DYNC1I2: variants seen among roughly 807,000 people sequenced by gnomAD.
The protein encoded by DYNC1I2 is dynein cytoplasmic 1 intermediate chain 2, also known as cytoplasmic dynein 1 intermediate chain 2.
In DYNC1I2, 53 loss-of-function variants were observed where a neutral mutation model predicts 88.6. The ratio of observed to expected loss-of-function variants is 0.60; its 90% CI spans 0.48 to 0.75. The LOEUF (loss-of-function observed/expected upper bound fraction) is 0.75. Ranked by LOEUF, DYNC1I2 falls within the 30% of genes least tolerant of loss-of-function variation. The pLI, the probability that DYNC1I2 is intolerant of heterozygous loss-of-function variation, is 0.00. For missense variants in DYNC1I2, 458 were observed against 766.6 expected (o/e 0.60, Z 4.75); for synonymous variants, 198 against 254.6 (o/e 0.78, Z 2.12).
At position 171,702,402 on chromosome 2, in the gene DYNC1I2, A is replaced by T. The variant is rs80062283; in HGVS notation, c.227-4145A>T. ...TTCATAATCCTTAAAACATATGCCT[A>T]CAAGTCCAGTATTTATTTGTAATTT... On this transcript the variant is annotated intron_variant, in intron 3 of 17. Coordinates refer to ENST00000397119, the MANE Select transcript of DYNC1I2 (RefSeq NM_001378.3). Among the ~76,000 whole-genome samples the T allele has an allele frequency of 4.6e-5, 7 of 152,334 alleles. No homozygotes were observed. The East Asian group carries it at 1.4e-3, about 29-fold the overall frequency.
intron 3 of DYNC1I2, among the ~76,000 whole-genome samples, chr2:171,702,158 A>G (rs1365479680): frequency 6.6e-6 from 1 of 152,228 alleles, no homozygotes; most frequent in Non-Finnish European, 1.5e-5. Context: ...GCTATGAACA[A>G]AGGGTTGGCT....
At chr2:171,716,980 T>A (rs1380140669) in intron 7 of DYNC1I2, among the ~76,000 whole-genome samples, 7 of 152,160 alleles carry the variant, frequency 4.6e-5, no homozygotes, top group Non-Finnish European at 7.3e-5. Context: ...ACAGACACTT[T>A]TAACTACTCT....
At chr2:171,721,672 AC>A (rs1687915965) in intron 7 of DYNC1I2, among the ~76,000 whole-genome samples, 1 of 152,188 alleles carries the variant, frequency 6.6e-6, no homozygotes, top group Non-Finnish European at 1.5e-5. Flanking sequence ...AAATGTCCTG[AC>A]TTTTAGAACT....
intron 17 of DYNC1I2, among the ~76,000 whole-genome samples, chr2:171,747,280 C>G (rs2105796799): frequency 6.7e-6 from 1 of 148,956 alleles, no homozygotes; most frequent in African/African-American, 2.5e-5. Context: ...TCTTTTGCCA[C>G]CAGTGCAGCA....
rs79719865 is a variant in DYNC1I2 at position 171,733,294 on chromosome 2, A to C, written c.1536+3441A>C. On this transcript the variant is annotated intron_variant, in intron 15 of 17. Transcript: ENST00000397119. ...GTCTTTGCTAGTGTCTTTATAATAG[A>C]GTGATTGATACTCCTTTGGGTATAT... Among the ~76,000 whole-genome samples the C allele has an allele frequency of 3.5e-3, 528 of 151,928 alleles. 2 individuals carry two copies. Among genetic ancestry groups the C allele is most frequent in the African/African-American group, 0.012 (480 of 41,446 alleles).
intron 17 of DYNC1I2, 92 bp downstream of exon 17, chr2:171,746,019 A>G (rs1414121295): frequency 1.4e-6 from 2 of 1,412,514 alleles, no homozygotes; most frequent in African/African-American, 1.4e-5. Flanking sequence ...TTTGAGGTTT[A>G]TGAGTTGTTT....
Position 171,729,726 on chromosome 2 carries a change from A to C in DYNC1I2, c.1409A>C (p.Glu470Ala). 6.2e-7 allele frequency: 1 copy of C among 1,612,660 alleles called. No individual in the cohort carries two copies. The highest frequency in any genetic ancestry group is 8.5e-7 in the Non-Finnish European group (1 of 1,179,730). ...CRHGSKAGIS[E>A]MFEGHQGPIT... is the part of the protein sequence containing the mutation. Reference sequence around the variant, plus strand: ...GAAATTAGCAAAGCTGGAATCAGTGAGATGTTTGAGGGGCATCAAGGACCA... The same window carrying C: ...GAAATTAGCAAAGCTGGAATCAGTGCGATGTTTGAGGGGCATCAAGGACCA... Residue 470 changes from glutamate (E) to alanine (A), a missense_variant, in exon 15 of 18, where the codon GAG becomes GCG. Coordinates refer to ENST00000397119, the MANE Select transcript of DYNC1I2 (RefSeq NM_001378.3).
In DYNC1I2 at chr2:171,707,281, A is replaced by G. The variant is rs951303505; in HGVS notation, c.245-6A>G. 18 of 1,613,708 alleles carry G rather than the reference A, an allele frequency of 1.1e-5. No homozygotes were observed. The highest frequency in any genetic ancestry group is 3.3e-4 in the Middle Eastern group (2 of 6,084). On this transcript the variant is annotated splice_polypyrimidine_tract_variant and splice_region_variant and intron_variant, in intron 4 of 17. Coordinates refer to ENST00000397119, the MANE Select transcript of DYNC1I2 (RefSeq NM_001378.3). ...ACAGCGGATACCTGTCTATTTCACT[A>G]TTTAGTCCCTCCTCCTATGTCTCCA...
In DYNC1I2 at chr2:171,692,744, T is replaced by C. The variant is rs199998711; in HGVS notation, c.109-33T>C. 5.7e-4 allele frequency: 849 copies of C among 1,495,068 alleles called. 1 individual carries two copies. Among genetic ancestry groups the C allele is most frequent in the Non-Finnish European group, 6.3e-4 (695 of 1,104,208 alleles). The allele number at this position is 1,495,068 out of a possible 1,614,324, so 92.6% of individuals were successfully genotyped here. On this transcript the variant is annotated intron_variant, in intron 2 of 17. Transcript: ENST00000397119. ...TTGCAAACAAATTTTTCATACTATATGTAAACATAAGTTTTTAACCTAAAC... is the reference window on the plus strand; with the variant it reads ...TTGCAAACAAATTTTTCATACTATACGTAAACATAAGTTTTTAACCTAAAC...
chr2:171,693,492 A>G (rs751565907), intron 3 of DYNC1I2, among the ~76,000 whole-genome samples: 81 of 152,378 alleles, frequency 5.3e-4, no homozygotes, highest in Admixed American at 2.0e-3. Flanking sequence ...ATCTAGTTAC[A>G]TATCAGGAAC....
At chr2:171,696,693 C>T (rs1685793518) in intron 3 of DYNC1I2, among the ~76,000 whole-genome samples, 1 of 151,910 alleles carries the variant, frequency 6.6e-6, no homozygotes, top group African/African-American at 2.4e-5. Context: ...CTATCTTTTC[C>T]CCCACTGAAG....
chr2:171,733,167 A>T (rs1465357593), intron 15 of DYNC1I2, among the ~76,000 whole-genome samples: 1 of 152,236 alleles, frequency 6.6e-6, no homozygotes, highest in Non-Finnish European at 1.5e-5. Flanking sequence ...CACATAGGAC[A>T]TGATCTCATT....
At position 171,746,067 on chromosome 2, in the gene DYNC1I2, C is replaced by G. The variant is rs571777281; in HGVS notation, c.1803+140C>G. 9.0e-6 allele frequency: 7 copies of G among 781,958 alleles called. No individual in the cohort carries two copies. The East Asian group carries it at 2.0e-4, about 22-fold the overall frequency. 48.4% of individuals were successfully genotyped at this position (781,958 alleles called of 1,614,324 possible). A position where few individuals can be genotyped will look rare whatever the true frequency, so the allele number is the denominator to read the frequency against. On this transcript the variant is annotated intron_variant, in intron 17 of 17. Transcript: ENST00000397119. ...TGTAAAGATAAAACTTACTTTCTAC[C>G]ACAGAAGCAGCTCTTGAAACATTTT...
chr2:171,695,224 C>A (rs1007082125), intron 3 of DYNC1I2, among the ~76,000 whole-genome samples: 1 of 152,032 alleles, frequency 6.6e-6, no homozygotes, highest in Non-Finnish European at 1.5e-5. Context: ...CTCAGCCTCC[C>A]AAGTAGCTGG....
chr2:171,704,601 A>G (rs1303615912), intron 3 of DYNC1I2, among the ~76,000 whole-genome samples: 2 of 152,138 alleles, frequency 1.3e-5, no homozygotes, highest in Non-Finnish European at 2.9e-5. Flanking sequence ...GGTTTATGTT[A>G]TTTTCAAGGC....
intron 3 of DYNC1I2, among the ~76,000 whole-genome samples, chr2:171,696,898 A>C (rs1448540666): frequency 6.6e-6 from 1 of 152,198 alleles, no homozygotes; most frequent in African/African-American, 2.4e-5. Context: ...CTAGGTTCAC[A>C]AACATTTTTC....
At chr2:171,745,172 T>C (rs1310535733) in intron 16 of DYNC1I2, among the ~76,000 whole-genome samples, 1 of 152,158 alleles carries the variant, frequency 6.6e-6, no homozygotes, top group Non-Finnish European at 1.5e-5. Flanking sequence ...GAATGTTTGC[T>C]CCATGTGTAG....
intron 3 of DYNC1I2, among the ~76,000 whole-genome samples, chr2:171,699,181 C>T (rs556303239): frequency 4.3e-4 from 65 of 152,200 alleles, no homozygotes; most frequent in Non-Finnish European, 7.8e-4. Flanking sequence ...GTGGCAGGCA[C>T]CTGTAATCCC....
At chr2:171,705,289 T>C (rs968877430) in intron 3 of DYNC1I2, among the ~76,000 whole-genome samples, 2 of 152,122 alleles carry the variant, frequency 1.3e-5, no homozygotes, top group Non-Finnish European at 2.9e-5. Flanking sequence ...AGTAAAATAC[T>C]GTTGAACTTG....
Sources: gnomAD v4.1 joint callset for allele counts (sites outside exome capture counted in the v4.1 genomes callset) on GRCh38, gnomAD v4.1.1 for gene constraint, MANE v1.5 for transcripts, NCBI Gene and HGNC (gene_info 2026-07-23, HGNC 2026-07-21) for gene names.